The following FRMPD4 variants were observed in gnomAD, a reference collection of about 807,000 sequenced individuals.
The protein encoded by FRMPD4 is FERM and PDZ domain containing 4.
FRMPD4 carries 22 observed loss-of-function variants against 94.1 expected under a neutral mutation model. The observed-to-expected ratio is 0.23, with a 90% CI of 0.17 to 0.33. The LOEUF is 0.33. Among genes scored for constraint, FRMPD4 ranks in the 10% least tolerant of loss-of-function variants. The probability of loss-of-function intolerance (pLI) is 1.00; values close to 1 mark genes in which losing one functional copy is unlikely to be tolerated. For missense variants in FRMPD4, 1,111 were observed against 1,339.9 expected (o/e 0.83, Z 2.67); for synonymous variants, 631 against 548.6 (o/e 1.15, Z -2.10).
At chrX:12,535,972 CAG>C (rs1224086120) in intron 2 of FRMPD4, among the ~76,000 whole-genome samples, 3 of 109,424 alleles carry the variant, frequency 2.7e-5, no homozygotes, top group South Asian at 7.9e-4. Flanking sequence ...CTCTTCAAGA[CAG>C]AGAGACTTTT....
chrX:12,486,554 G>GC (rs2057741390), intron 1 of FRMPD4, among the ~76,000 whole-genome samples: 1 of 112,443 alleles, frequency 8.9e-6, no homozygotes, highest in South Asian at 3.7e-4. Context: ...TCTAAACTTA[G>GC]CAAGTCATAC....
chrX:11,901,507 G>C (rs186487294), intron 3 of FRMPD4, among the ~76,000 whole-genome samples: 1 of 112,250 alleles, frequency 8.9e-6, no homozygotes, highest in East Asian at 2.8e-4. Flanking sequence ...TAGTTGAGGA[G>C]ACTTAGGTTG....
intron 2 of FRMPD4, among the ~76,000 whole-genome samples, chrX:12,608,062 AAGATTACAGGG>A (rs1158623072): frequency 8.9e-6 from 1 of 112,868 alleles, no homozygotes; most frequent in African/African-American, 3.2e-5. Context: ...CTTATTGAAG[AAGATTACAGGG>A]AGAGAAATTT....
At position 12,376,497 on chromosome X, in the gene FRMPD4, A is replaced by G. The variant is rs147507597; in HGVS notation, c.42-122183A>G. ...CTGGTGTTGAGCCCCAGAATCTACT[A>G]GATGTTATTTTTTAACCTGTCAATT... is the stretch of plus-strand genomic sequence containing the variant. On this transcript the variant is annotated intron_variant, in intron 1 of 16. Transcript: ENST00000675598. Among the ~76,000 whole-genome samples the G allele has an allele frequency of 4.8e-4, 54 of 112,890 alleles. No homozygotes were observed. In the East Asian group the frequency reaches 0.014, roughly 29 times the overall value.
intron 3 of FRMPD4, among the ~76,000 whole-genome samples, chrX:11,933,928 T>C (rs1456700866): frequency 8.9e-6 from 1 of 112,245 alleles, no homozygotes; most frequent in East Asian, 2.8e-4. Flanking sequence ...AACTGAACTC[T>C]TCAGAAGAGA....
chrX:12,636,259 ATC>A (rs997590186), intron 4 of FRMPD4, among the ~76,000 whole-genome samples: 65 of 111,096 alleles, frequency 5.9e-4, no homozygotes, highest in African/African-American at 2.1e-3. Flanking sequence ...TTTTCCTTTC[ATC>A]TCTTTTTTAT....
At chrX:11,829,103 G>C (rs1312000036) in intron 1 of FRMPD4, among the ~76,000 whole-genome samples, 2 of 111,936 alleles carry the variant, frequency 1.8e-5, no homozygotes, top group Non-Finnish European at 1.9e-5. Flanking sequence ...ATAGGCTGAG[G>C]CTCACCCACA....
chrX:12,267,735 A>G (rs913626161), intron 1 of FRMPD4, among the ~76,000 whole-genome samples: 12 of 112,738 alleles, frequency 1.1e-4, no homozygotes, highest in African/African-American at 3.9e-4. Flanking sequence ...GAAAGTGAAC[A>G]CTGAGCAGAG....
rs1028881467 is a variant in FRMPD4 at position 12,399,390 on chromosome X, T to G, written c.42-99290T>G. Among the ~76,000 whole-genome samples the G allele has an allele frequency of 1.6e-4, 18 of 111,572 alleles. No homozygotes were observed. The East Asian group carries it at 4.0e-3, about 25-fold the overall frequency. On this transcript the variant is annotated intron_variant, in intron 1 of 16. Coordinates refer to ENST00000675598, the MANE Select transcript of FRMPD4 (RefSeq NM_001368397.1). ...GGATATAGAGATAGAGATGTAGATATAGTTGTAGATACTTGATATACAATT... is the reference window on the plus strand; with the variant it reads ...GGATATAGAGATAGAGATGTAGATAGAGTTGTAGATACTTGATATACAATT...
At chrX:12,282,025 T>C (rs1467351074) in intron 1 of FRMPD4, among the ~76,000 whole-genome samples, 1 of 112,247 alleles carries the variant, frequency 8.9e-6, no homozygotes, top group Non-Finnish European at 1.9e-5. Flanking sequence ...GAAGCAGGTA[T>C]TAATAGACTA....
At chrX:12,387,977 TAAAAA>T (rs57694212) in intron 1 of FRMPD4, among the ~76,000 whole-genome samples, 1 of 93,607 alleles carries the variant, frequency 1.1e-5, no homozygotes. Context: ...GAATCAATCT[TAAAAA>T]AAAAAAAAAA....
chrX:12,480,973 A>T (rs1602005061), intron 1 of FRMPD4, among the ~76,000 whole-genome samples: 1 of 111,946 alleles, frequency 8.9e-6, no homozygotes, highest in East Asian at 2.8e-4. Context: ...CTTGAGATCC[A>T]CAGAACAGGT....
intron 1 of FRMPD4, among the ~76,000 whole-genome samples, chrX:11,843,279 G>T (rs2053549847): frequency 9.0e-6 from 1 of 111,175 alleles, no homozygotes; most frequent in South Asian, 3.8e-4. Flanking sequence ...ATGGTATTTT[G>T]GCCGCTTCTC....
chrX:12,629,947 T>C (rs1473217298), intron 4 of FRMPD4, among the ~76,000 whole-genome samples: 1 of 112,584 alleles, frequency 8.9e-6, no homozygotes, highest in Non-Finnish European at 1.9e-5. Context: ...AGGATGAAGA[T>C]AACTTGAAAA....
chrX:12,056,208 T>C (rs1284544050), intron 3 of FRMPD4, among the ~76,000 whole-genome samples: 2 of 112,001 alleles, frequency 1.8e-5, no homozygotes, highest in East Asian at 2.8e-4. Flanking sequence ...AAAATCAGAA[T>C]AGGAGAAAAG....
At chrX:11,985,894 G>GT (rs1318885133) in intron 3 of FRMPD4, among the ~76,000 whole-genome samples, 1 of 111,999 alleles carries the variant, frequency 8.9e-6, no homozygotes, top group Non-Finnish European at 1.9e-5. Flanking sequence ...AGACCAGGTA[G>GT]TTTTTTAAGG....
intron 3 of FRMPD4, among the ~76,000 whole-genome samples, chrX:12,026,834 T>C (rs1041979789): frequency 8.9e-6 from 1 of 112,296 alleles, no homozygotes; most frequent in Non-Finnish European, 1.9e-5. Flanking sequence ...ATATAATGGG[T>C]GATATATATA....
chrX:12,550,896 ATATTG>A (rs1282622537), intron 2 of FRMPD4, among the ~76,000 whole-genome samples: 2 of 101,888 alleles, frequency 2.0e-5, no homozygotes, highest in Non-Finnish European at 4.0e-5. Context: ...ATTCCCTTTT[ATATTG>A]TAAATATATA....
chrX:12,523,043 T>G (rs1473287863), intron 2 of FRMPD4, among the ~76,000 whole-genome samples: 1 of 112,522 alleles, frequency 8.9e-6, no homozygotes, highest in Non-Finnish European at 1.9e-5. Context: ...GCTGTTTACT[T>G]TATCTGTTTT....
Sources: allele counts gnomAD v4.1 joint callset (sites outside exome capture counted in the v4.1 genomes callset), GRCh38; gene constraint gnomAD v4.1.1; transcripts MANE v1.5; gene names NCBI Gene and HGNC (gene_info 2026-07-23, HGNC 2026-07-21).